MDFI: variants seen among roughly 807,000 people sequenced by gnomAD.
MDFI encodes inhibitor of MyoD family a.
Under a neutral mutation model 22.3 loss-of-function variants are expected in MDFI, and 16 were observed. The observed-to-expected ratio is 0.72, with a 90% CI of 0.49 to 1.09. The LOEUF (loss-of-function observed/expected upper bound fraction) is 1.09. Among genes scored for constraint, MDFI ranks in the 50% least tolerant of loss-of-function variants. MDFI has a pLI of 0.00. For synonymous variants in MDFI, 145 were observed against 142.7 expected (o/e 1.02, Z -0.12); for missense variants, 314 against 326.1 (o/e 0.96, Z 0.29).
At chr6:41,639,350 C>T in intron 2 of MDFI, 1 of 985,392 alleles carries the variant, frequency 1.0e-6, no homozygotes, top group Non-Finnish European at 1.2e-6. Context: ...TTCCTTCCCT[C>T]TCGTGCCGGC....
rs1270002586 is a variant in MDFI, at chr6:41,653,651, G to A, written c.*76G>A. The A allele has an allele frequency of 2.6e-6, 4 of 1,560,948 alleles. No homozygotes were observed. Among genetic ancestry groups the A allele is most frequent in the Admixed American group, 1.7e-5 (1 of 58,350 alleles). Reference sequence around the variant, plus strand: ...GTCCCTCTGAGTGGGGCCAGGCCCAGGACTGTCACACAAGGCTTGAGAAGC... The same window carrying A: ...GTCCCTCTGAGTGGGGCCAGGCCCAAGACTGTCACACAAGGCTTGAGAAGC... On this transcript the variant is annotated 3_prime_UTR_variant, in exon 5 of 5. Coordinates refer to ENST00000230321, the MANE Select transcript of MDFI (RefSeq NM_005586.4). The surrounding 1 kb of genome is among the most constrained non-coding windows in gnomAD (Gnocchi z 4.2).
At chr6:41,647,873 C>T (rs1235662852) in intron 3 of MDFI, among the ~76,000 whole-genome samples, 2 of 151,492 alleles carry the variant, frequency 1.3e-5, no homozygotes, top group Non-Finnish European at 2.9e-5. Flanking sequence ...AAACCCCATC[C>T]CTACTAAAAA....
rs1417243078 is a variant in MDFI at position 41,648,084 on chromosome 6, A to AAGCTTCT, written c.260-1531_260-1525dup. Among the ~76,000 whole-genome samples, 9 of 150,414 alleles carry AAGCTTCT rather than the reference A, an allele frequency of 6.0e-5. No homozygotes were observed. In the South Asian group the frequency reaches 8.4e-4, roughly 14 times the overall value. The stretch of plus-strand genomic sequence containing the variant: ...AAAAAAAAAGAAGCTGCTCCACCTA[A>AAGCTTCT]AGCTTCTAGCACTGTGCCTGGTACA... On this transcript the variant is annotated intron_variant, in intron 3 of 4. Coordinates refer to ENST00000230321, the MANE Select transcript of MDFI (RefSeq NM_005586.4).
chr6:41,646,033 C>A, intron 2 of MDFI, 93 bp from the exon 3 acceptor site: 1 of 1,129,318 alleles, frequency 8.9e-7, no homozygotes, highest in Non-Finnish European at 1.2e-6. Flanking sequence ...AATGAGGGTT[C>A]AGTGGGCATG....
chr6:41,638,469 G>T lies in MDFI; in HGVS notation c.-195G>T, dbSNP rs1767713107. The T allele has an allele frequency of 2.1e-6, 1 of 481,308 alleles. No individual in the cohort carries two copies. The highest frequency in any genetic ancestry group is 3.7e-6 in the Non-Finnish European group (1 of 272,006). 29.8% of individuals were successfully genotyped at this position (481,308 alleles called of 1,614,324 possible). A position where few individuals can be genotyped will look rare whatever the true frequency, so the allele number is the denominator to read the frequency against. ...AGGGGGGCTGGAGGGAGAGAAGGAA[G>T]AAGGAAGGGGCGAACGGCGTGAGCT... On this transcript the variant is annotated 5_prime_UTR_variant, in exon 1 of 5. Coordinates refer to ENST00000230321, the MANE Select transcript of MDFI (RefSeq NM_005586.4). This position sits in a 1 kb window ranked among gnomAD's most constrained non-coding sequence, Gnocchi z 7.6.
At chr6:41,652,608 CTTT>C (rs3050047) in intron 4 of MDFI, among the ~76,000 whole-genome samples, 13 of 84,402 alleles carry the variant, frequency 1.5e-4, no homozygotes, top group Non-Finnish European at 1.9e-4. Flanking sequence ...CTCTCCCTCT[CTTT>C]TTTTTTTTTT....
At chr6:41,637,769 G>T (rs181311906), upstream of MDFI, among the ~76,000 whole-genome samples, 120 of 152,192 alleles carry the variant, frequency 7.9e-4, 1 homozygote, top group South Asian at 1.5e-3. The surrounding 1 kb of genome is among the most constrained non-coding windows in gnomAD (Gnocchi z 6.8). Context: ...ATTCAGTCTG[G>T]ATCCCAAAGA....
chr6:41,648,296 C>T (rs1041547553), intron 3 of MDFI, among the ~76,000 whole-genome samples: 3 of 152,150 alleles, frequency 2.0e-5, no homozygotes, highest in Non-Finnish European at 4.4e-5. Context: ...AGCTATGTGA[C>T]CTTGGGCAAC....
intron 2 of MDFI, among the ~76,000 whole-genome samples, chr6:41,642,999 C>T (rs1265115543): frequency 6.6e-6 from 1 of 152,140 alleles, no homozygotes; most frequent in Non-Finnish European, 1.5e-5. Flanking sequence ...GGAGGGGGAG[C>T]AGGGCAGGGA....
At chr6:41,647,734 G>A (rs2127432938) in intron 3 of MDFI, among the ~76,000 whole-genome samples, 2 of 152,254 alleles carry the variant, frequency 1.3e-5, no homozygotes, top group East Asian at 1.9e-4. Context: ...AATGGGGCCA[G>A]TAGTAGATCT....
In MDFI at chr6:41,653,067, A is replaced by G. The variant is rs1768336966; in HGVS notation, c.485-252A>G. Among the ~76,000 whole-genome samples, 1 of 152,218 alleles carries G rather than the reference A, an allele frequency of 6.6e-6. No individual in the cohort carries two copies. The highest frequency in any genetic ancestry group is 1.5e-5 in the Non-Finnish European group (1 of 68,022). Reference sequence around the variant, plus strand: ...ATGTATCACTCCATATGTTGGTTAAACAAATAAACAGAGGGTGGCTAAGAG... The same window carrying G: ...ATGTATCACTCCATATGTTGGTTAAGCAAATAAACAGAGGGTGGCTAAGAG... On this transcript the variant is annotated intron_variant, in intron 4 of 4. Coordinates refer to ENST00000230321, the MANE Select transcript of MDFI (RefSeq NM_005586.4). This position sits in a 1 kb window ranked among gnomAD's most constrained non-coding sequence, Gnocchi z 4.2.
chr6:41,639,732 C>G (rs1767778941), intron 2 of MDFI: 1 of 985,462 alleles, frequency 1.0e-6, no homozygotes, highest in Non-Finnish European at 1.2e-6. Context: ...TTCCTCCCCA[C>G]CAGCGCCATT....
chr6:41,648,561 A>G (rs922680918), intron 3 of MDFI, among the ~76,000 whole-genome samples: 5 of 152,018 alleles, frequency 3.3e-5, no homozygotes, highest in African/African-American at 1.2e-4. Flanking sequence ...TACACAGACC[A>G]GGCCTGGAGG....
chr6:41,652,414 A>G (rs1210428960), intron 4 of MDFI, among the ~76,000 whole-genome samples: 3 of 152,126 alleles, frequency 2.0e-5, no homozygotes, highest in Non-Finnish European at 4.4e-5. Flanking sequence ...CATGTGAACC[A>G]TGGGAGGGGT....
Position 41,638,865 on chromosome 6 carries a change from G to A in MDFI, c.76+40G>A, listed in dbSNP as rs553945701. On this transcript the variant is annotated intron_variant, in intron 2 of 4. Transcript: ENST00000230321. The surrounding 1 kb of genome is among the most constrained non-coding windows in gnomAD (Gnocchi z 7.6). ...GGCGAGCGAAGCTGGACAGGGGCGG[G>A]TGGGCGGCTGAAGGGGCCAGTTATT... The A allele has an allele frequency of 1.1e-5, 16 of 1,520,628 alleles. No individual in the cohort carries two copies. In the South Asian group the frequency reaches 1.4e-4, roughly 14 times the overall value. The allele number at this position is 1,520,628 out of a possible 1,614,324, so 94.2% of individuals were successfully genotyped here.
At chr6:41,646,408 C>G in intron 3 of MDFI, 100 bp downstream of exon 3, 1 of 1,111,390 alleles carries the variant, frequency 9.0e-7, no homozygotes, top group Non-Finnish European at 1.2e-6. Context: ...CCCGCTTGGC[C>G]AGAACCTTGA....
At chr6:41,652,716 A>C (rs1367946402) in intron 4 of MDFI, among the ~76,000 whole-genome samples, 1 of 145,996 alleles carries the variant, frequency 6.8e-6, no homozygotes, top group Admixed American at 7.3e-5. Flanking sequence ...TCCTGGGTTC[A>C]AGCGATTCTC....
chr6:41,646,225 C>A lies in MDFI; in HGVS notation c.176C>A (p.Thr59Asn), dbSNP rs201844895. 19 of 1,592,502 alleles carry A rather than the reference C, an allele frequency of 1.2e-5. No homozygotes were observed. The highest frequency in any genetic ancestry group is 1.6e-5 in the Non-Finnish European group (19 of 1,169,748). Residue 59 changes from threonine to asparagine, a missense_variant, in exon 3 of 5, where the codon ACC (threonine) becomes AAC (asparagine). Thr to Asn is a moderately conservative substitution (Grantham distance 65). Coordinates refer to ENST00000230321, the MANE Select transcript of MDFI (RefSeq NM_005586.4). ...PEEGSLEEAATPMPQGNGPGI... is the reference protein window; with the variant it reads ...PEEGSLEEAANPMPQGNGPGI... ...GAGGGCTCCCTGGAGGAGGCGGCAA[C>A]CCCCATGCCCCAAGGCAATGGCCCT... is the stretch of plus-strand genomic sequence containing the variant.
At chr6:41,641,870 C>T (rs1581828389) in intron 2 of MDFI, among the ~76,000 whole-genome samples, 1 of 152,244 alleles carries the variant, frequency 6.6e-6, no homozygotes, top group East Asian at 1.9e-4. Flanking sequence ...GGTCCAGGAC[C>T]ACCCCTCAAC....
Sources: allele counts gnomAD v4.1 joint callset (sites outside exome capture counted in the v4.1 genomes callset), GRCh38; gene constraint gnomAD v4.1.1; non-coding constraint Gnocchi (gnomAD v3.1); transcripts MANE v1.5; gene names NCBI Gene and HGNC (gene_info 2026-07-23, HGNC 2026-07-21).